The following RBL1 variants were observed in gnomAD, a reference collection of about 807,000 sequenced individuals.
The protein encoded by RBL1 is retinoblastoma-like protein 1.
RBL1 carries 82 observed loss-of-function variants against 123.0 expected under a neutral mutation model. That is an observed-to-expected ratio of 0.67 (90% CI 0.56 to 0.80). The LOEUF (loss-of-function observed/expected upper bound fraction) is 0.80, where lower values mean the gene tolerates loss of function less well. RBL1 is among the 30% of genes least tolerant of loss of function. RBL1 has a pLI of 0.00. For missense variants in RBL1, 1,171 were observed against 1,299.6 expected (o/e 0.90, Z 1.52); for synonymous variants, 405 against 441.3 (o/e 0.92, Z 1.03).
chr20:37,095,682 A>G (rs1179078450), intron 1 of RBL1, 91 bp downstream of exon 1: 1 of 1,229,856 alleles, frequency 8.1e-7, no homozygotes, highest in East Asian at 2.7e-5. Context: ...AGGTGGGGAA[A>G]CTCCCACCAC....
Position 37,085,704 on chromosome 20 carries a change from A to G in RBL1, c.290+3285T>C, listed in dbSNP as rs376726812. Among the ~76,000 whole-genome samples the G allele has an allele frequency of 7.3e-4, 88 of 119,850 alleles. No individual in the cohort carries two copies. The East Asian group carries it at 0.021, about 28-fold the overall frequency. 78.6% of individuals were successfully genotyped at this position (119,850 alleles called of 152,430 possible). On this transcript the variant is annotated intron_variant, in intron 2 of 21. Transcript: ENST00000373664. ...AGTCTCACTGTGTCACCTAGGCTGG[A>G]GTGCAATGGCGCAATCTCGGCTCGC...
chr20:37,014,150 T>C (rs2064212293), intron 19 of RBL1, among the ~76,000 whole-genome samples: 1 of 150,702 alleles, frequency 6.6e-6, no homozygotes. Flanking sequence ...AGATCATGGC[T>C]CACTGCAGCC....
chr20:37,070,607 G>C (rs1249251628), intron 2 of RBL1, among the ~76,000 whole-genome samples: 1 of 152,138 alleles, frequency 6.6e-6, no homozygotes, highest in African/African-American at 2.4e-5. Flanking sequence ...TTACAGGTTA[G>C]GAGTAAAATT....
intron 19 of RBL1, among the ~76,000 whole-genome samples, chr20:37,011,804 T>A (rs150754290): frequency 6.7e-4 from 102 of 152,302 alleles, no homozygotes; most frequent in African/African-American, 2.4e-3. Flanking sequence ...AATGAGCTCA[T>A]GTTCAGGAAA....
Position 37,055,648 on chromosome 20 carries a change from C to T in RBL1, c.1372G>A (p.Val458Ile). The change falls in exon 11 of 22, where the codon GTA becomes ATA. Residue 458 changes from valine to isoleucine, a missense_variant. By Grantham distance (29) the Val-to-Ile change is conservative. Transcript: ENST00000373664. ...ATTTCTGCCAGCTTTAGTCTGTTTA[C>T]AGCAAAGTCTATCAGGGAAATACAG... ...EQPGSHIDFAVNRLKLAEILY... is the reference protein window; with the variant it reads ...EQPGSHIDFAINRLKLAEILY... The T allele has an allele frequency of 6.2e-7, 1 of 1,609,760 alleles. No homozygotes were observed. Among genetic ancestry groups the T allele is most frequent in the East Asian group, 2.2e-5 (1 of 44,810 alleles).
At chr20:37,065,565 T>A (rs1405320701) in intron 6 of RBL1, 92 bp from the exon 7 acceptor site, 1 of 771,844 alleles carries the variant, frequency 1.3e-6, no homozygotes, top group East Asian at 2.6e-5. Context: ...CATATTGTTA[T>A]AACACACACA....
At chr20:37,010,758 C>CTATGTG (rs1392605500) in intron 19 of RBL1, among the ~76,000 whole-genome samples, 2 of 143,452 alleles carry the variant, frequency 1.4e-5, no homozygotes, top group Admixed American at 1.4e-4. Flanking sequence ...TGGCACATGA[C>CTATGTG]TATGTGTGTG....
At chr20:37,013,070 A>T (rs1332581061) in intron 19 of RBL1, among the ~76,000 whole-genome samples, 1 of 151,732 alleles carries the variant, frequency 6.6e-6, no homozygotes, top group African/African-American at 2.4e-5. Flanking sequence ...CCCGGCCACC[A>T]CCCCGTCTGG....
At chr20:37,063,583 C>A (rs1358766399) in intron 7 of RBL1, among the ~76,000 whole-genome samples, 1 of 152,162 alleles carries the variant, frequency 6.6e-6, no homozygotes, top group East Asian at 1.9e-4. Context: ...GTGATCTGGG[C>A]TCACTGCAAC....
intron 21 of RBL1, 99 bp downstream of exon 21, chr20:37,003,603 T>C: frequency 1.4e-6 from 2 of 1,421,616 alleles, no homozygotes; most frequent in South Asian, 1.7e-5. Flanking sequence ...TTTATTAGTA[T>C]AGTAGTAACT....
chr20:37,037,896 G>A (rs981096131), intron 14 of RBL1, among the ~76,000 whole-genome samples: 8 of 151,834 alleles, frequency 5.3e-5, no homozygotes, highest in Middle Eastern at 3.5e-3. Context: ...TGTGTTGCCC[G>A]GGCTGGTCTT....
intron 2 of RBL1, among the ~76,000 whole-genome samples, chr20:37,080,988 C>T (rs999606599): frequency 7.9e-5 from 12 of 152,186 alleles, no homozygotes; most frequent in South Asian, 2.1e-4. Context: ...GAAATCCTCT[C>T]TTCCTGAAGT....
intron 16 of RBL1, among the ~76,000 whole-genome samples, chr20:37,028,074 A>T (rs1447588073): frequency 6.6e-6 from 1 of 152,190 alleles, no homozygotes; most frequent in African/African-American, 2.4e-5. Flanking sequence ...AATAAAAATT[A>T]TGAGTAACAG....
intron 15 of RBL1, among the ~76,000 whole-genome samples, chr20:37,033,165 C>G (rs964610989): frequency 6.7e-6 from 1 of 149,856 alleles, no homozygotes; most frequent in Non-Finnish European, 1.5e-5. Flanking sequence ...ACTACAGGTG[C>G]AAGCCACTAT....
At position 36,997,339 on chromosome 20, in the gene RBL1, C is replaced by T. The variant is rs2063899018; in HGVS notation, c.*1420G>A. 6.6e-6 allele frequency: 1 copy of T among 151,920 alleles called. No individual in the cohort carries two copies. The highest frequency in any genetic ancestry group is 2.4e-5 in the African/African-American group (1 of 41,344). The allele number at this position is 151,920 out of a possible 1,614,324, so 9.4% of individuals were successfully genotyped here. A position where few individuals can be genotyped will look rare whatever the true frequency, so the allele number is the denominator to read the frequency against. Reference sequence around the variant, plus strand: ...AGTACTCCCTAGTACATCCCTAGTACTGAAAAAAGCATCCCTAATACTGAA... The same window carrying T: ...AGTACTCCCTAGTACATCCCTAGTATTGAAAAAAGCATCCCTAATACTGAA... On this transcript the variant is annotated 3_prime_UTR_variant, in exon 22 of 22. Transcript: ENST00000373664.
At position 37,034,622 on chromosome 20, in the gene RBL1, G is replaced by A. The variant is rs527595786; in HGVS notation, c.2170+620C>T. Among the ~76,000 whole-genome samples the A allele has an allele frequency of 4.6e-5, 7 of 152,182 alleles. No homozygotes were observed. In the South Asian group the frequency reaches 1.0e-3, roughly 23 times the overall value. ...TCACTTGAGCCTGGGAGCAGAGGTT[G>A]CAGTGAGATGAGATCATGCTGCTGT... is the stretch of plus-strand genomic sequence containing the variant. On this transcript the variant is annotated intron_variant, in intron 15 of 21. Transcript: ENST00000373664.
intron 20 of RBL1, among the ~76,000 whole-genome samples, chr20:37,006,282 C>T (rs956132161): frequency 1.3e-5 from 2 of 150,482 alleles, no homozygotes; most frequent in Non-Finnish European, 3.0e-5. Context: ...CTCACTGCAA[C>T]CTCCGCTTTC....
intron 1 of RBL1, 67 bp from the exon 2 acceptor site, chr20:37,089,189 C>T (rs1416624454): frequency 4.3e-6 from 6 of 1,407,032 alleles, no homozygotes; most frequent in Non-Finnish European, 5.8e-6. Flanking sequence ...ATTCTAGAAA[C>T]AAGAGATGTA....
At chr20:37,024,940 C>T (rs1352397968) in intron 16 of RBL1, among the ~76,000 whole-genome samples, 1 of 152,204 alleles carries the variant, frequency 6.6e-6, no homozygotes, top group Non-Finnish European at 1.5e-5. Flanking sequence ...ACCATCCCAA[C>T]TGCCAACCAA....
Sources: gnomAD v4.1 joint callset for allele counts (sites outside exome capture counted in the v4.1 genomes callset) on GRCh38, gnomAD v4.1.1 for gene constraint, MANE v1.5 for transcripts, NCBI Gene and HGNC (gene_info 2026-07-23, HGNC 2026-07-21) for gene names.